Variants in JHY observed in about 807,000 individuals in gnomAD.
JHY encodes jhy protein homolog.
JHY carries 69 observed loss-of-function variants against 78.0 expected under a neutral mutation model. The observed-to-expected ratio is 0.88, with a 90% CI of 0.73 to 1.08. The LOEUF is 1.08. Among genes scored for constraint, JHY ranks in the 50% least tolerant of loss-of-function variants. JHY has a pLI of 0.00. For synonymous variants in JHY, 368 were observed against 342.6 expected (o/e 1.07, Z -0.82); for missense variants, 944 against 927.8 (o/e 1.02, Z -0.23).
chr11:122,952,980 T>C (rs755644174), intron 6 of JHY, among the ~76,000 whole-genome samples: 7 of 152,230 alleles, frequency 4.6e-5, no homozygotes, highest in South Asian at 2.1e-4. Flanking sequence ...GGTAAAGGTT[T>C]TAAAATGTGA....
chr11:122,923,172 A>C (rs1343784), intron 3 of JHY, among the ~76,000 whole-genome samples: 33,699 of 152,162 alleles, frequency 0.22, 4,122 homozygotes, highest in Middle Eastern at 0.32. Flanking sequence ...CTGAAGAAGG[A>C]GTTAGTCTGT....
At chr11:122,909,785 A>T (rs1863074692) in intron 3 of JHY, among the ~76,000 whole-genome samples, 1 of 152,120 alleles carries the variant, frequency 6.6e-6, no homozygotes, top group Admixed American at 6.6e-5. Context: ...TCTCAAAAAA[A>T]TAAATTAAAT....
chr11:122,954,403 T>C (rs1056946102), intron 6 of JHY, among the ~76,000 whole-genome samples: 3 of 152,168 alleles, frequency 2.0e-5, no homozygotes, highest in Admixed American at 6.5e-5. Flanking sequence ...GAGAAGTGAA[T>C]TGGGATGACT....
Position 122,963,837 on chromosome 11 carries a change from G to A in JHY, c.*4392G>A, listed in dbSNP as rs1864358404. 6.6e-6 allele frequency among the ~76,000 whole-genome samples: 1 copy of A among 151,966 alleles called. No homozygotes were observed. Among genetic ancestry groups the A allele is most frequent in the Non-Finnish European group, 1.5e-5 (1 of 67,972 alleles). On this transcript the variant is annotated 3_prime_UTR_variant, in exon 9 of 9. Transcript: ENST00000227349. The stretch of plus-strand genomic sequence containing the variant: ...CTAATCTGCCTAATGTCTATAAACT[G>A]GTGCAAATAAAAGACATTTAAACCA...
chr11:122,935,240 C>CTT lies in JHY; in HGVS notation c.1634+177_1634+178dup, dbSNP rs113946401. Among the ~76,000 whole-genome samples the CTT allele has an allele frequency of 2.8e-4, 40 of 143,670 alleles. No homozygotes were observed. The highest frequency in any genetic ancestry group is 8.6e-4 in the African/African-American group (34 of 39,518). The allele number at this position is 143,670 out of a possible 152,430, so 94.3% of individuals were successfully genotyped here. A position where few individuals can be genotyped will look rare whatever the true frequency, so the allele number is the denominator to read the frequency against. ...TCTGATTCCTGCCTCAAAGAGTCCA[C>CTT]TTTTTTTTTTTTTAGACAGATTCTT... On this transcript the variant is annotated intron_variant, in intron 5 of 8. Transcript: ENST00000227349. This position sits in a 1 kb window ranked among gnomAD's most constrained non-coding sequence, Gnocchi z 4.5.
intron 2 of JHY, among the ~76,000 whole-genome samples, chr11:122,888,488 C>T (rs900853534): frequency 6.6e-6 from 1 of 151,782 alleles, no homozygotes; most frequent in Non-Finnish European, 1.5e-5. Flanking sequence ...TGAAGAAACT[C>T]GTCTAAGGTT....
chr11:122,929,461 G>A (rs752605701), intron 4 of JHY, among the ~76,000 whole-genome samples: 7 of 152,148 alleles, frequency 4.6e-5, no homozygotes, highest in Non-Finnish European at 8.8e-5. Flanking sequence ...AGGTGTGAAA[G>A]TGGGAGGAGG....
At chr11:122,940,124 G>A (rs1239080804) in intron 5 of JHY, among the ~76,000 whole-genome samples, 1 of 151,870 alleles carries the variant, frequency 6.6e-6, no homozygotes, top group Non-Finnish European at 1.5e-5. Flanking sequence ...GATCACTTGA[G>A]GTCAGGAGTT....
At position 122,886,021 on chromosome 11, in the gene JHY, T is replaced by A; in HGVS notation, c.172T>A (p.Ser58Thr). The A allele has an allele frequency of 6.2e-7, 1 of 1,614,076 alleles. No homozygotes were observed. Among genetic ancestry groups the A allele is most frequent in the Non-Finnish European group, 8.5e-7 (1 of 1,180,022 alleles). Residue 58 changes from serine to threonine, a missense_variant, in exon 2 of 9, where the codon TCT becomes ACT. Physicochemically the swap from Ser to Thr is moderately conservative, Grantham distance 58. Transcript: ENST00000227349. The part of the protein sequence containing the change: ...ESLTQEIMCH[S>T]EFDDRIRGNG... ...CCTCACGCAAGAGATTATGTGCCAT[T>A]CTGAGTTTGATGATCGAATCCGGGG...
At position 122,961,095 on chromosome 11, in the gene JHY, C is replaced by T; in HGVS notation, c.*1650C>T. On this transcript the variant is annotated 3_prime_UTR_variant, in exon 9 of 9. Transcript: ENST00000227349. ...TGCACAGCCAGTTATGTAAATGTAT[C>T]TATCCCAATTGAGAGAGCCAGAAAC... 9.8e-7 allele frequency: 1 copy of T among 1,022,314 alleles called. No individual in the cohort carries two copies. Among genetic ancestry groups the T allele is most frequent in the Non-Finnish European group, 1.5e-6 (1 of 663,400 alleles). 63.3% of individuals were successfully genotyped at this position (1,022,314 alleles called of 1,614,324 possible). A position where few individuals can be genotyped will look rare whatever the true frequency, so the allele number is the denominator to read the frequency against.
In JHY at chr11:122,934,902, C is replaced by G; in HGVS notation, c.1461C>G (p.Thr487=). Reference sequence around the variant, plus strand: ...GATTTTCATATCAGCAGCTACACACCCTTTCTGACATGGATTTGAACAACC... The same window carrying G: ...GATTTTCATATCAGCAGCTACACACGCTTTCTGACATGGATTTGAACAACC... ...EKRFSYQQLH[T]LSDMDLNNLN... is the part of the protein sequence containing the mutation. Residue 487 remains threonine, a synonymous_variant, in exon 5 of 9, where the codon ACC becomes ACG. Transcript: ENST00000227349. 6.2e-7 allele frequency: 1 copy of G among 1,614,108 alleles called. No homozygotes were observed. Among genetic ancestry groups the G allele is most frequent in the South Asian group, 1.1e-5 (1 of 91,082 alleles).
chr11:122,922,200 T>A (rs1863381002), intron 3 of JHY, among the ~76,000 whole-genome samples: 1 of 152,196 alleles, frequency 6.6e-6, no homozygotes, highest in African/African-American at 2.4e-5. Context: ...CACAAAAATG[T>A]TAAAAAGTTT....
At chr11:122,959,016 C>G (rs1056789336) in intron 8 of JHY, 1 of 983,980 alleles carries the variant, frequency 1.0e-6, no homozygotes, top group Non-Finnish European at 1.2e-6. Context: ...AGGACACAAC[C>G]GTATGTATTA....
At chr11:122,949,797 G>A (rs116315704) in intron 6 of JHY, among the ~76,000 whole-genome samples, 1 of 151,662 alleles carries the variant, frequency 6.6e-6, no homozygotes, top group Non-Finnish European at 1.5e-5. Context: ...CGGTTCCACT[G>A]TAAGTAAGGA....
At chr11:122,946,399 T>C in intron 5 of JHY, 99 bp from the exon 6 acceptor site, 7 of 1,281,364 alleles carry the variant, frequency 5.5e-6, no homozygotes, top group South Asian at 1.6e-5. Context: ...TTGAGAGTGA[T>C]AAATACATCA....
intron 3 of JHY, among the ~76,000 whole-genome samples, chr11:122,911,820 G>A (rs530548616): frequency 1.5e-5 from 2 of 136,170 alleles, no homozygotes; most frequent in South Asian, 4.8e-4. Flanking sequence ...CAGGAGATAC[G>A]CTTGAACCCG....
Position 122,904,240 on chromosome 11 carries a change from G to A in JHY, c.660G>A (p.Glu220=). 1 of 1,614,178 alleles carries A rather than the reference G, an allele frequency of 6.2e-7. No individual in the cohort carries two copies. Residue 220 remains glutamate (E), a synonymous_variant, in exon 3 of 9, where the codon GAG becomes GAA. Transcript: ENST00000227349. ...FSELSDSDLE[E]KSSSLSPYVK... is the part of the protein sequence containing the mutation. ...AGCTGAGCGACAGTGACCTGGAGGA[G>A]AAGTCGAGCAGCCTTTCTCCGTACG...
chr11:122,889,452 A>G (rs1020765624), intron 2 of JHY, among the ~76,000 whole-genome samples: 5 of 152,228 alleles, frequency 3.3e-5, no homozygotes, highest in African/African-American at 9.6e-5. Context: ...CCAGAACAAT[A>G]TAACAACTAT....
rs1333931591 is a variant in JHY, at chr11:122,957,798, GAC to G, written c.2139+317_2139+318del. Reference sequence around the variant, plus strand: ...CATTCACAGATAGCAATGCAATAGTGACACACACACAGTCACACACACACACA... The same window carrying G: ...CATTCACAGATAGCAATGCAATAGTGACACACACAGTCACACACACACACA... On this transcript the variant is annotated intron_variant, in intron 8 of 8. Coordinates refer to ENST00000227349, the MANE Select transcript of JHY (RefSeq NM_024806.4). Among the ~76,000 whole-genome samples, 4 of 116,514 alleles carry G rather than the reference GAC, an allele frequency of 3.4e-5. No homozygotes were observed. The East Asian group carries it at 6.3e-4, about 18-fold the overall frequency. The allele number at this position is 116,514 out of a possible 152,430, so 76.4% of individuals were successfully genotyped here.
Sources: gnomAD v4.1 joint callset for allele counts (sites outside exome capture counted in the v4.1 genomes callset) on GRCh38, gnomAD v4.1.1 for gene constraint, Gnocchi (gnomAD v3.1) non-coding constraint, MANE v1.5 for transcripts, NCBI Gene and HGNC (gene_info 2026-07-23, HGNC 2026-07-21) for gene names.